ULK4: variants seen among roughly 807,000 people sequenced by gnomAD.
ULK4 encodes inactive serine/threonine-protein kinase ULK4.
In ULK4, 133 loss-of-function variants were observed where a neutral mutation model predicts 160.6. The ratio of observed to expected loss-of-function variants is 0.83; its 90% CI spans 0.72 to 0.96. The LOEUF is 0.96. Among genes scored for constraint, ULK4 ranks in the 40% least tolerant of loss-of-function variants. The probability of loss-of-function intolerance (pLI) is 0.00; values close to 1 mark genes in which losing one functional copy is unlikely to be tolerated. For missense variants in ULK4, 1,580 were observed against 1,499.5 expected (o/e 1.05, Z -0.89); for synonymous variants, 534 against 539.8 (o/e 0.99, Z 0.15).
chr3:41,932,565 A>G (rs1699636404), intron 4 of ULK4, among the ~76,000 whole-genome samples: 1 of 152,250 alleles, frequency 6.6e-6, no homozygotes. Flanking sequence ...GAAGTTATGC[A>G]AGTAAAGGGT....
At position 41,495,033 on chromosome 3, in the gene ULK4, C is replaced by A. The variant is rs529537138; in HGVS notation, c.3227-31780G>T. ...AGGTAATTTATAGATTCAATGCCATCCCCATCAAGCTACCAACGACTTTCT... is the reference window on the plus strand; with the variant it reads ...AGGTAATTTATAGATTCAATGCCATACCCATCAAGCTACCAACGACTTTCT... On this transcript the variant is annotated intron_variant, in intron 32 of 36. Transcript: ENST00000301831. 4.5e-3 allele frequency among the ~76,000 whole-genome samples: 688 copies of A among 152,106 alleles called. 1 individual carries two copies. Among genetic ancestry groups the A allele is most frequent in the Non-Finnish European group, 7.7e-3 (521 of 67,948 alleles).
At chr3:41,781,709 C>T (rs189966223) in intron 21 of ULK4, among the ~76,000 whole-genome samples, 3 of 152,270 alleles carry the variant, frequency 2.0e-5, no homozygotes, top group African/African-American at 7.2e-5. Context: ...GAGGCTGAGG[C>T]GAGTGGATCA....
At position 41,705,117 on chromosome 3, in the gene ULK4, T is replaced by G. The variant is rs759417033; in HGVS notation, c.2721A>C (p.Thr907=). Residue 907 remains threonine, a synonymous_variant, in exon 27 of 37, where the codon ACA becomes ACC. Transcript: ENST00000301831. ...GTATTATTGCTTCAAAAGCTGACAA[T>G]GTGATCTTGATAAATTCTTCTGATG... ...LTASEEFIKI[T]LSAFEAIIQY... 5.6e-6 allele frequency: 9 copies of G among 1,613,892 alleles called. No homozygotes were observed. In the African/African-American group the frequency reaches 9.3e-5, roughly 17 times the overall value.
intron 30 of ULK4, among the ~76,000 whole-genome samples, chr3:41,623,506 A>AT (rs765989173): frequency 2.6e-5 from 4 of 152,256 alleles, no homozygotes; most frequent in Non-Finnish European, 5.9e-5. Context: ...AAAATGCAGC[A>AT]TATGTACACA....
At chr3:41,292,836 C>G (rs746372170) in intron 35 of ULK4, among the ~76,000 whole-genome samples, 22 of 151,788 alleles carry the variant, frequency 1.4e-4, no homozygotes, top group African/African-American at 4.8e-4. Flanking sequence ...CCCAGCTACT[C>G]GGGAGGCTGA....
At chr3:41,488,930 T>C (rs1298796569) in intron 32 of ULK4, among the ~76,000 whole-genome samples, 1 of 152,118 alleles carries the variant, frequency 6.6e-6, no homozygotes, top group African/African-American at 2.4e-5. Context: ...CCAGCCATCC[T>C]TCCTGCAGGT....
chr3:41,538,505 A>C (rs961760486), intron 32 of ULK4, among the ~76,000 whole-genome samples: 2 of 152,148 alleles, frequency 1.3e-5, no homozygotes, highest in South Asian at 4.1e-4. Flanking sequence ...CACTTTTAGC[A>C]TCACTAGTGG....
chr3:41,406,713 A>G lies in ULK4; in HGVS notation c.3493-8449T>C, dbSNP rs982711341. Among the ~76,000 whole-genome samples, 3 of 152,270 alleles carry G rather than the reference A, an allele frequency of 2.0e-5. 1 individual carries two copies. The South Asian group carries it at 6.2e-4, about 32-fold the overall frequency. On this transcript the variant is annotated intron_variant, in intron 34 of 36. Transcript: ENST00000301831. The stretch of plus-strand genomic sequence containing the variant: ...CTACTTTCCTGTGGGTTACTTGAAC[A>G]TTCTATTTTTCCAGTGATGACCATT...
At chr3:41,782,559 A>G (rs2039881292) in intron 21 of ULK4, among the ~76,000 whole-genome samples, 1 of 152,248 alleles carries the variant, frequency 6.6e-6, no homozygotes, top group Admixed American at 6.5e-5. Context: ...GTAAATCAAA[A>G]GATATAGAGA....
intron 5 of ULK4, among the ~76,000 whole-genome samples, chr3:41,921,146 T>A (rs1699166174): frequency 6.6e-6 from 1 of 151,936 alleles, no homozygotes; most frequent in Admixed American, 6.6e-5. Context: ...ACCCCATCTC[T>A]ACCAAAAATA....
chr3:41,429,637 G>C (rs1292390021), intron 34 of ULK4, among the ~76,000 whole-genome samples: 1 of 151,818 alleles, frequency 6.6e-6, no homozygotes, highest in African/African-American at 2.4e-5. Context: ...ACTAATGCAG[G>C]AACGAAAAAC....
intron 34 of ULK4, among the ~76,000 whole-genome samples, chr3:41,424,370 G>C (rs1305065928): frequency 6.6e-6 from 1 of 152,172 alleles, no homozygotes; most frequent in Non-Finnish European, 1.5e-5. Context: ...GGGCAGTCTG[G>C]ACAAGTGGGA....
Position 41,774,130 on chromosome 3 carries a change from C to T in ULK4, c.2193+15531G>A, listed in dbSNP as rs191572751. On this transcript the variant is annotated intron_variant, in intron 21 of 36. Transcript: ENST00000301831. ...AAACCATAAAGAGCCTAGAAGAAAA[C>T]CTAGGCATTACCATTCAGGACATAG... Among the ~76,000 whole-genome samples the T allele has an allele frequency of 3.6e-3, 554 of 152,252 alleles. 4 individuals are homozygous for T. The highest frequency in any genetic ancestry group is 0.013 in the African/African-American group (529 of 41,510).
At chr3:41,705,438 A>T in intron 25 of ULK4, 133 bp from the exon 26 acceptor site, 2 of 468,880 alleles carry the variant, frequency 4.3e-6, no homozygotes, top group Non-Finnish European at 7.3e-6. Context: ...TACTCTATAC[A>T]TATTATATTA....
At chr3:41,366,656 C>T (rs1336839250) in intron 35 of ULK4, among the ~76,000 whole-genome samples, 1 of 152,010 alleles carries the variant, frequency 6.6e-6, no homozygotes, top group Non-Finnish European at 1.5e-5. Flanking sequence ...CTGTATATGT[C>T]TACAATTTTC....
chr3:41,443,430 AAAT>A (rs2083217941), intron 34 of ULK4, among the ~76,000 whole-genome samples: 1 of 152,240 alleles, frequency 6.6e-6, no homozygotes, highest in Non-Finnish European at 1.5e-5. Context: ...TGCATAAAAT[AAAT>A]AATGGATGCA....
intron 27 of ULK4, among the ~76,000 whole-genome samples, chr3:41,689,846 C>A (rs1197053641): frequency 1.3e-5 from 2 of 150,468 alleles, no homozygotes; most frequent in African/African-American, 2.5e-5. Context: ...GTTGGTGGGA[C>A]TGTAAACTAG....
At chr3:41,647,474 C>T (rs563271579) in intron 30 of ULK4, among the ~76,000 whole-genome samples, 4 of 152,340 alleles carry the variant, frequency 2.6e-5, no homozygotes, top group African/African-American at 9.6e-5. Context: ...ACCCTGTTTG[C>T]CTGGGTATCA....
At chr3:41,486,705 G>A (rs778489362) in intron 32 of ULK4, among the ~76,000 whole-genome samples, 1 of 152,162 alleles carries the variant, frequency 6.6e-6, no homozygotes, top group Non-Finnish European at 1.5e-5. Context: ...TATTGACAAA[G>A]TCCTGACCAA....
Sources: gnomAD v4.1 joint callset for allele counts (sites outside exome capture counted in the v4.1 genomes callset) on GRCh38, gnomAD v4.1.1 for gene constraint, MANE v1.5 for transcripts, NCBI Gene and HGNC (gene_info 2026-07-23, HGNC 2026-07-21) for gene names.